CAMSAP3: variants seen among roughly 807,000 people sequenced by gnomAD.
The protein encoded by CAMSAP3 is calmodulin-regulated spectrin-associated protein 3.
A neutral mutation model predicts 112.5 loss-of-function variants in CAMSAP3; 34 were observed. The ratio of observed to expected loss-of-function variants is 0.30; its 90% CI spans 0.23 to 0.40. The LOEUF is 0.40. Among genes scored for constraint, CAMSAP3 ranks in the 10% least tolerant of loss-of-function variants. The pLI, the probability that CAMSAP3 is intolerant of heterozygous loss-of-function variation, is 1.00. For missense variants in CAMSAP3, 1,602 were observed against 1,770.3 expected (o/e 0.90, Z 1.71); for synonymous variants, 868 against 799.8 (o/e 1.09, Z -1.44).
At chr19:7,603,757 G>A (rs1180538010) in intron 1 of CAMSAP3, among the ~76,000 whole-genome samples, 1 of 152,202 alleles carries the variant, frequency 6.6e-6, no homozygotes, top group African/African-American at 2.4e-5. Flanking sequence ...GGCTGAGGCA[G>A]GGAGGATCCC....
In CAMSAP3 at chr19:7,617,410, C is replaced by T; in HGVS notation, c.3297C>T (p.Ser1099=). ...ERDWENGSNA[S]SPASVPEYTG... ...ACTGGGAAAATGGCAGCAATGCCTC[C>T]TCCCCAGCGTCAGTGCCCGAGTACA... Residue 1099 remains serine (S), a synonymous_variant, in exon 15 of 17, where the codon TCC becomes TCT. Transcript: ENST00000160298. The surrounding 1 kb of genome is among the most constrained non-coding windows in gnomAD (Gnocchi z 7.5). The T allele has an allele frequency of 6.2e-7, 1 of 1,614,052 alleles. No individual in the cohort carries two copies. Among genetic ancestry groups the T allele is most frequent in the Non-Finnish European group, 8.5e-7 (1 of 1,179,958 alleles).
intron 1 of CAMSAP3, among the ~76,000 whole-genome samples, chr19:7,602,556 A>T (rs1158349808): frequency 6.6e-6 from 1 of 152,046 alleles, no homozygotes; most frequent in African/African-American, 2.4e-5. Flanking sequence ...GACGCATTAA[A>T]TGTGGGGTGA....
chr19:7,614,898 G>A (rs2030697628), intron 11 of CAMSAP3: 1 of 551,392 alleles, frequency 1.8e-6, no homozygotes, highest in East Asian at 3.1e-5. Context: ...TAGAGTGTCT[G>A]TGCCCAACAC....
At chr19:7,601,869 G>T (rs2146158201) in intron 1 of CAMSAP3, among the ~76,000 whole-genome samples, 1 of 152,032 alleles carries the variant, frequency 6.6e-6, no homozygotes, top group Non-Finnish European at 1.5e-5. Context: ...TTTGAGACCA[G>T]CCTGGTCAAC....
chr19:7,610,363 A>C lies in CAMSAP3; in HGVS notation c.761-113A>C. The C allele has an allele frequency of 1.1e-6, 1 of 920,436 alleles. No individual in the cohort carries two copies. Among genetic ancestry groups the C allele is most frequent in the Non-Finnish European group, 1.6e-6 (1 of 608,216 alleles). 57.0% of individuals were successfully genotyped at this position (920,436 alleles called of 1,614,324 possible). A position where few individuals can be genotyped will look rare whatever the true frequency, so the allele number is the denominator to read the frequency against. On this transcript the variant is annotated intron_variant, in intron 5 of 16. Transcript: ENST00000160298. The surrounding 1 kb of genome is among the most constrained non-coding windows in gnomAD (Gnocchi z 4.9). ...TCACCTCTCGAAGGGCACCTGGCAG[A>C]AGCTGGGCTCATAGGAGGTCTTCCG...
chr19:7,613,526 G>A (rs62113421), intron 11 of CAMSAP3, among the ~76,000 whole-genome samples: 17,411 of 149,994 alleles, frequency 0.12, 1,213 homozygotes, highest in Admixed American at 0.21. Flanking sequence ...TGAGGCCCTC[G>A]GGTATGTTTG....
chr19:7,605,390 C>A lies in CAMSAP3; in HGVS notation c.313C>A (p.Leu105Met). Residue 105 changes from leucine (L) to methionine (M), a missense_variant, in exon 2 of 17, where the codon CTG becomes ATG. This residue lies in a region of CAMSAP3 where 147 missense variants were observed against 144.6 expected (regional missense o/e 1.02). Coordinates refer to ENST00000160298, the MANE Select transcript of CAMSAP3 (RefSeq NM_020902.2). ...LETPPNPSAL[L>M]ALLARRGTVP... is the part of the protein sequence containing the mutation. ...AACACCCCCCAACCCCTCTGCACTG[C>A]TGGCCCTGCTGGCGCGGAGGGGCAC... is the stretch of plus-strand genomic sequence containing the variant. 6.5e-7 allele frequency: 1 copy of A among 1,544,078 alleles called. No homozygotes were observed. The highest frequency in any genetic ancestry group is 1.2e-5 in the South Asian group (1 of 83,520).
intron 1 of CAMSAP3, among the ~76,000 whole-genome samples, chr19:7,599,533 TCCTTCCAC>T: frequency 8.6e-5 from 7 of 81,532 alleles, no homozygotes; most frequent in Non-Finnish European, 1.4e-4. Context: ...CACTCATCCA[TCCTTCCAC>T]CCACCCATTC....
rs2030509092 is a variant in CAMSAP3, at chr19:7,611,857, A to T, written c.1364A>T (p.Asp455Val). Residue 455 changes from aspartate (D) to valine (V), a missense_variant, in exon 11 of 17, where the codon GAC becomes GTC. Physicochemically the swap from Asp to Val is radical, Grantham distance 152. Transcript: ENST00000160298. This position sits in a 1 kb window ranked among gnomAD's most constrained non-coding sequence, Gnocchi z 6.9. ...ACCCAGCCACCCCCGGAGCCTGGTGACCTGCCCACCATCGAGGAAGCTCTG... is the reference window on the plus strand; with the variant it reads ...ACCCAGCCACCCCCGGAGCCTGGTGTCCTGCCCACCATCGAGGAAGCTCTG... ...TPTQPPPEPG[D>V]LPTIEEALQI... 4 of 1,567,870 alleles carry T rather than the reference A, an allele frequency of 2.6e-6. No homozygotes were observed. The highest frequency in any genetic ancestry group is 3.5e-6 in the Non-Finnish European group (4 of 1,156,786).
chr19:7,615,922 G>T lies in CAMSAP3; in HGVS notation c.3112+203G>T, dbSNP rs1040224577. On this transcript the variant is annotated intron_variant, in intron 13 of 16. Transcript: ENST00000160298. This position sits in a 1 kb window ranked among gnomAD's most constrained non-coding sequence, Gnocchi z 6.5. ...CTTCCATAGGGGGCCGGGCGCGGTG[G>T]CTCACGCCTGTAATCCCAGCACTTT... Among the ~76,000 whole-genome samples, 1 of 152,144 alleles carries T rather than the reference G, an allele frequency of 6.6e-6. No homozygotes were observed. The highest frequency in any genetic ancestry group is 1.5e-5 in the Non-Finnish European group (1 of 68,004).
chr19:7,611,369 T>A lies in CAMSAP3; in HGVS notation c.1124-148T>A. ...GTGACAGTAAATGGCCCCGGGTATC[T>A]GTTTCTGGAAACCTCTGGTCTCACT... On this transcript the variant is annotated intron_variant, in intron 9 of 16. Transcript: ENST00000160298. This position sits in a 1 kb window ranked among gnomAD's most constrained non-coding sequence, Gnocchi z 6.9. 1 of 901,808 alleles carries A rather than the reference T, an allele frequency of 1.1e-6. No individual in the cohort carries two copies. Among genetic ancestry groups the A allele is most frequent in the Non-Finnish European group, 1.7e-6 (1 of 596,598 alleles). 55.9% of individuals were successfully genotyped at this position (901,808 alleles called of 1,614,324 possible).
chr19:7,612,468 G>A lies in CAMSAP3; in HGVS notation c.1975G>A (p.Gly659Ser). ...AGCAGAGGCGGAGGAGGCCGATTCC[G>A]GTCCAGTCCCTGGTGGGGAGCGGCC... ...AEAEAEEADS[G>S]PVPGGERPAG... is the part of the protein sequence containing the mutation. The change falls in exon 11 of 17, where the codon GGT becomes AGT. Residue 659 changes from glycine to serine, a missense_variant. Coordinates refer to ENST00000160298, the MANE Select transcript of CAMSAP3 (RefSeq NM_020902.2). The A allele has an allele frequency of 1.3e-6, 2 of 1,570,920 alleles. No individual in the cohort carries two copies. The highest frequency in any genetic ancestry group is 1.2e-5 in the South Asian group (1 of 86,404).
At chr19:7,598,336 C>T (rs369389780) in intron 1 of CAMSAP3, among the ~76,000 whole-genome samples, 2 of 151,926 alleles carry the variant, frequency 1.3e-5, no homozygotes, top group East Asian at 1.9e-4. Flanking sequence ...TGCAGGTCCC[C>T]GGGGTGGCGG....
Position 7,611,676 on chromosome 19 carries a change from C to T in CAMSAP3, c.1194-11C>T, listed in dbSNP as rs746633396. 2.0e-5 allele frequency: 32 copies of T among 1,564,866 alleles called. No homozygotes were observed. In the Admixed American group the frequency reaches 2.6e-4, roughly 13 times the overall value. On this transcript the variant is annotated splice_polypyrimidine_tract_variant and intron_variant, in intron 10 of 16. Coordinates refer to ENST00000160298, the MANE Select transcript of CAMSAP3 (RefSeq NM_020902.2). The surrounding 1 kb of genome is among the most constrained non-coding windows in gnomAD (Gnocchi z 6.9). Reference sequence around the variant, plus strand: ...GGTCCCAGGGGCTGACCCCTCCCTCCGGCCGCCCAGCCGTCCCCTCTCCCA... The same window carrying T: ...GGTCCCAGGGGCTGACCCCTCCCTCTGGCCGCCCAGCCGTCCCCTCTCCCA...
rs2030464763 is a variant in CAMSAP3 at position 7,611,150 on chromosome 19, C to T, written c.1105C>T (p.Pro369Ser). The T allele has an allele frequency of 6.2e-7, 1 of 1,613,508 alleles. No individual in the cohort carries two copies. Among genetic ancestry groups the T allele is most frequent in the Admixed American group, 1.7e-5 (1 of 59,998 alleles). The change falls in exon 9 of 17, where the codon CCA (proline) becomes TCA (serine). Residue 369 changes from proline to serine, a missense_variant. Around this residue, in one of 6 missense-constraint regions of CAMSAP3, gnomAD observed 1,100 missense variants for 1,135.7 expected, o/e 0.97. Transcript: ENST00000160298. This position sits in a 1 kb window ranked among gnomAD's most constrained non-coding sequence, Gnocchi z 6.9. Reference sequence around the variant, plus strand: ...TCTGTCATCTGGTGGCCCCCAGTCCCCACTCCGAGGATCCACAGGTGAGGA... The same window carrying T: ...TCTGTCATCTGGTGGCCCCCAGTCCTCACTCCGAGGATCCACAGGTGAGGA... ...PLLSSGGPQS[P>S]LRGSTGSLKS... is the part of the protein sequence containing the mutation.
intron 1 of CAMSAP3, among the ~76,000 whole-genome samples, chr19:7,603,318 G>T (rs904376393): frequency 6.6e-6 from 1 of 151,306 alleles, no homozygotes. Flanking sequence ...AGATTTAAGC[G>T]ATTCTCCGGC....
At chr19:7,602,571 G>A (rs574724593) in intron 1 of CAMSAP3, among the ~76,000 whole-genome samples, 278 of 152,164 alleles carry the variant, frequency 1.8e-3, no homozygotes, top group African/African-American at 6.4e-3. Context: ...GGGTGAGGGC[G>A]TAAAGAAAGG....
At position 7,595,944 on chromosome 19, in the gene CAMSAP3, C is replaced by G. The variant is rs1475099222; in HGVS notation, c.-59C>G. 1 of 898,222 alleles carries G rather than the reference C, an allele frequency of 1.1e-6. No individual in the cohort carries two copies. The highest frequency in any genetic ancestry group is 1.3e-6 in the Non-Finnish European group (1 of 746,902). 55.6% of individuals were successfully genotyped at this position (898,222 alleles called of 1,614,324 possible). On this transcript the variant is annotated 5_prime_UTR_variant, in exon 1 of 17. Coordinates refer to ENST00000160298, the MANE Select transcript of CAMSAP3 (RefSeq NM_020902.2). ...GGGCCCGGCTGGGGCGCGAGCGCGG[C>G]GCAGCCCAGCCCAGCCCAGTCCGAG...
chr19:7,617,583 G>A lies in CAMSAP3; in HGVS notation c.3366G>A (p.Lys1122=), dbSNP rs762189483. 2.5e-6 allele frequency: 4 copies of A among 1,614,120 alleles called. No individual in the cohort carries two copies. Among genetic ancestry groups the A allele is most frequent in the Non-Finnish European group, 3.4e-6 (4 of 1,180,016 alleles). ...LYKEPSAKSN[K]FIIHNALSHC... ...AAGAACCCAGCGCCAAGTCCAACAA[G>A]TTCATCATCCACAATGCCCTATCAC... The change falls in exon 16 of 17, where the codon AAG becomes AAA. Residue 1122 remains lysine (K), a synonymous_variant. Transcript: ENST00000160298. This position sits in a 1 kb window ranked among gnomAD's most constrained non-coding sequence, Gnocchi z 7.5.
Sources: allele counts gnomAD v4.1 joint callset (sites outside exome capture counted in the v4.1 genomes callset), GRCh38; gene constraint gnomAD v4.1.1; regional missense constraint gnomAD v4.1.1; non-coding constraint Gnocchi (gnomAD v3.1); transcripts MANE v1.5; gene names NCBI Gene and HGNC (gene_info 2026-07-23, HGNC 2026-07-21).